HRG: variants seen among roughly 807,000 people sequenced by gnomAD.
HRG encodes the protein histidine-rich glycoprotein.
In HRG, 26 loss-of-function variants were observed where a neutral mutation model predicts 29.5. The ratio of observed to expected loss-of-function variants is 0.88; its 90% CI spans 0.65 to 1.22. The LOEUF (loss-of-function observed/expected upper bound fraction) is 1.22, where lower values mean the gene tolerates loss of function less well. Among genes scored for constraint, HRG ranks in the 50% most tolerant of loss-of-function variants. The probability of loss-of-function intolerance (pLI) is 0.00; values close to 1 mark genes in which losing one functional copy is unlikely to be tolerated. For synonymous variants in HRG, 243 were observed against 240.4 expected, an observed-to-expected ratio of 1.01 and a Z score of -0.10; for missense variants, 671 against 654.5, an observed-to-expected ratio of 1.03 and a Z score of -0.28.
chr3:186,672,517 T>C (rs1718833942), intron 4 of HRG, among the ~76,000 whole-genome samples: 1 of 152,156 alleles, frequency 6.6e-6, no homozygotes. Flanking sequence ...GAATGAAAAC[T>C]CTGGGAAGAA....
rs80205675 is a variant in HRG, at chr3:186,668,924, G to T, written c.184-11G>T. The T allele has an allele frequency of 7.3e-3, 10,751 of 1,472,238 alleles. 53 individuals are homozygous for T. Among genetic ancestry groups the T allele is most frequent in the Non-Finnish European group, 9.3e-3 (9,722 of 1,050,792 alleles). The allele number at this position is 1,472,238 out of a possible 1,614,324, so 91.2% of individuals were successfully genotyped here. ...ATGTGCTACTCACATGTTGCTTTTG[G>T]CATTCCTCAGGAAAATACAACTGTA... On this transcript the variant is annotated splice_polypyrimidine_tract_variant and intron_variant, in intron 1 of 6. Transcript: ENST00000232003.
chr3:186,667,165 TC>T (rs1325208020), intron 1 of HRG: 1 of 152,230 alleles, frequency 6.6e-6, no homozygotes, highest in Admixed American at 6.5e-5. Context: ...GTGTGGCATT[TC>T]TTGCTCCCAA....
rs1480415699 is a variant in HRG, at chr3:186,666,088, G to A, written c.57G>A (p.Val19=). 4 of 1,614,210 alleles carry A rather than the reference G, an allele frequency of 2.5e-6. No homozygotes were observed. The highest frequency in any genetic ancestry group is 3.3e-5 in the Admixed American group (2 of 60,032). ...LLITLQYSCA[V]SPTDCSAVEP... Reference sequence around the variant, plus strand: ...TCACATTGCAGTATTCGTGTGCCGTGAGTCCCACTGACTGCAGTGCTGTTG... The same window carrying A: ...TCACATTGCAGTATTCGTGTGCCGTAAGTCCCACTGACTGCAGTGCTGTTG... Residue 19 remains valine, a synonymous_variant, in exon 1 of 7, where the codon GTG becomes GTA. Coordinates refer to ENST00000232003, the MANE Select transcript of HRG (RefSeq NM_000412.5).
chr3:186,672,529 T>C (rs923893933), intron 4 of HRG, among the ~76,000 whole-genome samples: 20 of 152,162 alleles, frequency 1.3e-4, no homozygotes, highest in African/African-American at 4.8e-4. Flanking sequence ...TGGGAAGAAG[T>C]TGGAGTGCAG....
At position 186,677,660 on chromosome 3, in the gene HRG, GCAGA is replaced by G; in HGVS notation, c.1358_1361del (p.Arg453LysfsTer11). The G allele has an allele frequency of 6.2e-7, 1 of 1,614,028 alleles. No individual in the cohort carries two copies. The highest frequency in any genetic ancestry group is 8.5e-7 in the Non-Finnish European group (1 of 1,179,958). On this transcript the variant is annotated frameshift_variant, in exon 7 of 7. Transcript: ENST00000232003. LOFTEE classifies it low-confidence loss of function (END_TRUNC). ...GGTAAAGGACCCCGTCCCTTCCATT[GCAGA>G]CAAATTGGATCTGTGTACCGACTCC...
intron 5 of HRG, chr3:186,673,936 G>A (rs553975597): frequency 6.6e-6 from 1 of 152,240 alleles, no homozygotes; most frequent in African/African-American, 2.4e-5. Flanking sequence ...CTGCTGACAA[G>A]GAAAAGCAAG....
chr3:186,672,165 G>C (rs1718820590), intron 4 of HRG, among the ~76,000 whole-genome samples: 2 of 152,172 alleles, frequency 1.3e-5, no homozygotes. Context: ...ACCCAGTAAT[G>C]TGCCTATAGT....
chr3:186,666,151 A>T lies in HRG; in HGVS notation c.120A>T (p.Lys40Asn). ...AGAAAGCTCTAGACCTGATCAATAA[A>T]AGGCGACGGGATGGCTACCTTTTCC... ...EAEKALDLINKRRRDGYLFQL... is the reference protein window; with the variant it reads ...EAEKALDLINNRRRDGYLFQL... The change falls in exon 1 of 7, where the codon AAA (lysine) becomes AAT (asparagine). Residue 40 changes from lysine to asparagine, a missense_variant. Coordinates refer to ENST00000232003, the MANE Select transcript of HRG (RefSeq NM_000412.5). 1 of 1,614,214 alleles carries T rather than the reference A, an allele frequency of 6.2e-7. No homozygotes were observed. The highest frequency in any genetic ancestry group is 8.5e-7 in the Non-Finnish European group (1 of 1,180,024).
In HRG at chr3:186,677,533, G is replaced by A; in HGVS notation, c.1228G>A (p.Asp410Asn). The A allele has an allele frequency of 6.2e-7, 1 of 1,611,200 alleles. No individual in the cohort carries two copies. Among genetic ancestry groups the A allele is most frequent in the South Asian group, 1.1e-5 (1 of 90,904 alleles). ...HPHGHHPHCHDFQDYGPCDPP... is the reference protein window; with the variant it reads ...HPHGHHPHCHNFQDYGPCDPP... ...CCATGGACACCATCCCCACTGCCAT[G>A]ATTTCCAAGACTATGGACCTTGTGA... is the stretch of plus-strand genomic sequence containing the variant. The change falls in exon 7 of 7, where the codon GAT (aspartate) becomes AAT (asparagine). Residue 410 changes from aspartate (D) to asparagine (N), a missense_variant. Coordinates refer to ENST00000232003, the MANE Select transcript of HRG (RefSeq NM_000412.5).
chr3:186,671,838 C>T, intron 4 of HRG, 49 bp downstream of exon 4: 4 of 1,544,076 alleles, frequency 2.6e-6, no homozygotes, highest in East Asian at 2.2e-5. Flanking sequence ...CAGGCTCCAA[C>T]CTGGCAGCAG....
At chr3:186,668,676 C>G in intron 1 of HRG, 1 of 456,226 alleles carries the variant, frequency 2.2e-6, no homozygotes, top group Non-Finnish European at 4.0e-6. Context: ...CTCCGCTAAA[C>G]CACCACTGCC....
At chr3:186,671,841 G>A (rs1718808012) in intron 4 of HRG, 52 bp downstream of exon 4, 4 of 1,530,600 alleles carry the variant, frequency 2.6e-6, no homozygotes, top group Non-Finnish European at 3.6e-6. Context: ...GCTCCAACCT[G>A]GCAGCAGGAA....
At position 186,673,449 on chromosome 3, in the gene HRG, T is replaced by C. The variant is rs115642881; in HGVS notation, c.639+582T>C. The C allele has an allele frequency of 3.2e-3, 527 of 166,210 alleles. 5 individuals carry two copies. Among genetic ancestry groups the C allele is most frequent in the Non-Finnish European group, 4.8e-3 (365 of 75,764 alleles). 10.3% of individuals were successfully genotyped at this position (166,210 alleles called of 1,614,324 possible). A position where few individuals can be genotyped will look rare whatever the true frequency, so the allele number is the denominator to read the frequency against. The stretch of plus-strand genomic sequence containing the variant: ...TTAACCCTCACACTACCATATGAGA[T>C]AGATACCATTTTTAATCCCAAATTA... On this transcript the variant is annotated intron_variant, in intron 5 of 6. Coordinates refer to ENST00000232003, the MANE Select transcript of HRG (RefSeq NM_000412.5).
intron 5 of HRG, chr3:186,673,167 A>G (rs1718860455): frequency 2.4e-6 from 1 of 420,810 alleles, no homozygotes; most frequent in East Asian, 5.3e-5. Context: ...GCAATGGCAC[A>G]GTGTCGGCTC....
intron 3 of HRG, 77 bp from the exon 4 acceptor site, chr3:186,671,546 T>C (rs1324233834): frequency 6.9e-7 from 1 of 1,446,666 alleles, no homozygotes; most frequent in African/African-American, 1.4e-5. Flanking sequence ...AAAATGAAAG[T>C]TATTGTCATT....
At chr3:186,668,146 C>A (rs940269080) in intron 1 of HRG, among the ~76,000 whole-genome samples, 9 of 152,198 alleles carry the variant, frequency 5.9e-5, no homozygotes, top group African/African-American at 1.9e-4. Flanking sequence ...TAGGATGCAT[C>A]AGCACAGAGC....
rs191043713 is a variant in HRG at position 186,666,482 on chromosome 3, A to G, written c.183+268A>G. ...TAAGGACTGCCAGAGAAACATTAGA[A>G]TAAGCTATGGGCCTTGGCCTCCAGG... On this transcript the variant is annotated intron_variant, in intron 1 of 6. Coordinates refer to ENST00000232003, the MANE Select transcript of HRG (RefSeq NM_000412.5). 1.1e-3 allele frequency among the ~76,000 whole-genome samples: 171 copies of G among 152,346 alleles called. 3 individuals carry two copies. The East Asian group carries it at 0.03, about 27-fold the overall frequency.
intron 3 of HRG, among the ~76,000 whole-genome samples, chr3:186,670,448 A>G (rs1448315967): frequency 2.6e-5 from 4 of 152,216 alleles, no homozygotes; most frequent in Non-Finnish European, 4.4e-5. Context: ...TTGATGCTCA[A>G]AGAAGTTAAA....
intron 5 of HRG, chr3:186,674,645 C>T: frequency 1.2e-5 from 3 of 252,458 alleles, no homozygotes; most frequent in Non-Finnish European, 7.8e-6. Flanking sequence ...TCCATGAAAA[C>T]CCATCTTTAT....
Sources: allele counts gnomAD v4.1 joint callset (sites outside exome capture counted in the v4.1 genomes callset), GRCh38; gene constraint gnomAD v4.1.1; transcripts MANE v1.5; gene names NCBI Gene and HGNC (gene_info 2026-07-23, HGNC 2026-07-21).